ABCA13: variants seen among roughly 807,000 people sequenced by gnomAD.
ABCA13 encodes the protein ATP-binding cassette sub-family A member 13.
In ABCA13, 476 loss-of-function variants were observed where a neutral mutation model predicts 478.7. That is an observed-to-expected ratio of 0.99 (90% CI 0.92 to 1.07). The LOEUF (loss-of-function observed/expected upper bound fraction) is 1.07. Ranked by LOEUF, ABCA13 falls within the 50% of genes least tolerant of loss-of-function variation. The pLI, the probability that ABCA13 is intolerant of heterozygous loss-of-function variation, is 0.00. For synonymous variants in ABCA13, 2,252 were observed against 2,158.9 expected (o/e 1.04, Z -1.20); for missense variants, 6,060 against 5,910.6 (o/e 1.03, Z -0.83).
chr7:48,352,210 A>G lies in ABCA13; in HGVS notation c.10411A>G (p.Lys3471Glu). 1 of 1,606,534 alleles carries G rather than the reference A, an allele frequency of 6.2e-7. No homozygotes were observed. Among genetic ancestry groups the G allele is most frequent in the Non-Finnish European group, 8.5e-7 (1 of 1,175,322 alleles). The change falls in exon 31 of 62, where the codon AAG becomes GAG. Residue 3471 changes from lysine to glutamate, a missense_variant. This residue lies in a region of ABCA13 where 4,423 missense variants were observed against 4,309.1 expected (regional missense o/e 1.03). Coordinates refer to ENST00000435803, the MANE Select transcript of ABCA13 (RefSeq NM_152701.5). ...SIIFSNSLFD[K>E]NFRSESVKLP... The stretch of plus-strand genomic sequence containing the variant: ...CATTTTCAGCAATTCCTTATTCGAC[A>G]AGAACTTCAGATCAGAGTCTGTCAA...
At position 48,633,693 on chromosome 7, in the gene ABCA13, G is replaced by A. The variant is rs141823650; in HGVS notation, c.14838-9595G>A. ...GGAGTTTGAGACCAGCCTGGCCAAC[G>A]TGGTGAAACTCTTTCTCTACTAAAA... is the stretch of plus-strand genomic sequence containing the variant. On this transcript the variant is annotated intron_variant, in intron 59 of 61. Transcript: ENST00000435803. 4.4e-3 allele frequency among the ~76,000 whole-genome samples: 653 copies of A among 150,090 alleles called. 10 individuals carry two copies. The East Asian group carries it at 0.053, about 12-fold the overall frequency.
At chr7:48,604,934 A>C (rs1447584680) in intron 58 of ABCA13, among the ~76,000 whole-genome samples, 1 of 152,214 alleles carries the variant, frequency 6.6e-6, no homozygotes, top group African/African-American at 2.4e-5. Context: ...ATAAATATTT[A>C]GGATAGTTAG....
intron 42 of ABCA13, among the ~76,000 whole-genome samples, chr7:48,444,510 A>G (rs1824029167): frequency 6.6e-6 from 1 of 152,126 alleles, no homozygotes; most frequent in Non-Finnish European, 1.5e-5. Context: ...TTTGGACCCT[A>G]TGACACATCA....
In ABCA13 at chr7:48,388,527, A is replaced by G. The variant is rs181196590; in HGVS notation, c.11474-513A>G. 1.3e-3 allele frequency among the ~76,000 whole-genome samples: 203 copies of G among 152,344 alleles called. 1 individual carries two copies. The highest frequency in any genetic ancestry group is 3.3e-3 in the Admixed American group (50 of 15,302). On this transcript the variant is annotated intron_variant, in intron 36 of 61. Coordinates refer to ENST00000435803, the MANE Select transcript of ABCA13 (RefSeq NM_152701.5). ...GGCACCTCTGCCAAAGGATGAATCC[A>G]TAGGCCATCTCCATGGAAATAGAGA... is the stretch of plus-strand genomic sequence containing the variant.
chr7:48,335,254 C>T (rs552368963), intron 27 of ABCA13, among the ~76,000 whole-genome samples, 168 bp from the exon 28 acceptor site: 1 of 152,284 alleles, frequency 6.6e-6, no homozygotes, highest in South Asian at 2.1e-4. Flanking sequence ...AGAGGACTCA[C>T]CTGTGATGTG....
intron 58 of ABCA13, among the ~76,000 whole-genome samples, chr7:48,606,881 G>A (rs1278123695): frequency 1.3e-5 from 2 of 152,196 alleles, no homozygotes; most frequent in Non-Finnish European, 2.9e-5. Context: ...CCCTGACTGG[G>A]GCTGCTGCCG....
intron 20 of ABCA13, 24 bp from the exon 21 acceptor site, chr7:48,295,676 C>A: frequency 6.2e-7 from 1 of 1,613,398 alleles, no homozygotes; most frequent in South Asian, 1.1e-5. Flanking sequence ...TGCTTCTAAC[C>A]TATATCATTG....
chr7:48,445,702 G>C (rs1417991960), intron 42 of ABCA13, among the ~76,000 whole-genome samples: 1 of 152,046 alleles, frequency 6.6e-6, no homozygotes, highest in Non-Finnish European at 1.5e-5. Flanking sequence ...ACCTGTGGCA[G>C]GTTGTATTTA....
At chr7:48,204,157 C>T (rs1178464079) in intron 3 of ABCA13, among the ~76,000 whole-genome samples, 4 of 149,946 alleles carry the variant, frequency 2.7e-5, no homozygotes, top group Non-Finnish European at 3.0e-5. Flanking sequence ...TTGTTGCCCA[C>T]GCTGGAGTGA....
intron 31 of ABCA13, among the ~76,000 whole-genome samples, chr7:48,354,889 T>A (rs989003313): frequency 2.6e-5 from 4 of 151,980 alleles, no homozygotes; most frequent in African/African-American, 9.7e-5. Flanking sequence ...CTGTAGACAA[T>A]GTTTGTTAAA....
At chr7:48,175,269 A>G (rs889955014) in intron 1 of ABCA13, among the ~76,000 whole-genome samples, 3 of 152,136 alleles carry the variant, frequency 2.0e-5, no homozygotes, top group East Asian at 1.9e-4. Flanking sequence ...ATAATTGCAC[A>G]TATTCATAGG....
At chr7:48,259,087 T>C (rs912584708) in intron 15 of ABCA13, among the ~76,000 whole-genome samples, 1 of 152,118 alleles carries the variant, frequency 6.6e-6, no homozygotes, top group Admixed American at 6.6e-5. Flanking sequence ...TTTTCTGTTA[T>C]TTTGTGGTAG....
chr7:48,564,161 C>T (rs1786778700), intron 55 of ABCA13, among the ~76,000 whole-genome samples: 3 of 152,210 alleles, frequency 2.0e-5, no homozygotes, highest in Admixed American at 2.0e-4. Flanking sequence ...CAACACATCT[C>T]TCAGATCTAA....
At chr7:48,599,686 T>C (rs1257849695) in intron 58 of ABCA13, among the ~76,000 whole-genome samples, 1 of 152,220 alleles carries the variant, frequency 6.6e-6, no homozygotes, top group East Asian at 1.9e-4. Flanking sequence ...AGTATCCAAC[T>C]CCACTGTGTA....
chr7:48,588,659 T>C (rs1490332694), intron 57 of ABCA13, among the ~76,000 whole-genome samples: 1 of 152,230 alleles, frequency 6.6e-6, no homozygotes, highest in East Asian at 1.9e-4. Context: ...CTGATAATAG[T>C]GTCTGTCTCA....
chr7:48,410,517 C>T lies in ABCA13; in HGVS notation c.12071-3C>T, dbSNP rs1352448850. 2 of 1,613,888 alleles carry T rather than the reference C, an allele frequency of 1.2e-6. No homozygotes were observed. Among genetic ancestry groups the T allele is most frequent in the Non-Finnish European group, 1.7e-6 (2 of 1,179,890 alleles). ...TGCTGATGCACCCTGTGCTTGGACCCAGGTCGTACGATCATCTTCACAACC... is the reference window on the plus strand; with the variant it reads ...TGCTGATGCACCCTGTGCTTGGACCTAGGTCGTACGATCATCTTCACAACC... On this transcript the variant is annotated splice_region_variant and splice_polypyrimidine_tract_variant and intron_variant, in intron 39 of 61. Transcript: ENST00000435803.
At position 48,274,639 on chromosome 7, in the gene ABCA13, A is replaced by G; in HGVS notation, c.4973A>G (p.Gln1658Arg). ...HTSPQNAGYMQALKKVTSVMR... is the reference protein window; with the variant it reads ...HTSPQNAGYMRALKKVTSVMR... Reference sequence around the variant, plus strand: ...AGTCCACAAAATGCAGGTTATATGCAAGCTTTGAAGAAGGTAACTTCTGTC... The same window carrying G: ...AGTCCACAAAATGCAGGTTATATGCGAGCTTTGAAGAAGGTAACTTCTGTC... Residue 1658 changes from glutamine to arginine, a missense_variant, in exon 17 of 62, where the codon CAA (glutamine) becomes CGA (arginine). Transcript: ENST00000435803. 1 of 1,614,012 alleles carries G rather than the reference A, an allele frequency of 6.2e-7. No homozygotes were observed. The highest frequency in any genetic ancestry group is 1.1e-5 in the South Asian group (1 of 91,086).
intron 2 of ABCA13, among the ~76,000 whole-genome samples, chr7:48,194,888 C>G: frequency 6.6e-6 from 1 of 151,994 alleles, no homozygotes; most frequent in East Asian, 1.9e-4. Context: ...GTATTGAGTG[C>G]CTTTTGTGTT....
At position 48,455,158 on chromosome 7, in the gene ABCA13, C is replaced by A; in HGVS notation, c.12687C>A (p.Asp4229Glu). 6.3e-7 allele frequency: 1 copy of A among 1,583,050 alleles called. No individual in the cohort carries two copies. Among genetic ancestry groups the A allele is most frequent in the Non-Finnish European group, 8.6e-7 (1 of 1,164,964 alleles). Residue 4229 changes from aspartate (D) to glutamate (E), a missense_variant, in exon 43 of 62, where the codon GAC becomes GAA. By Grantham distance (45) the Asp-to-Glu change is conservative (BLOSUM62 2). Coordinates refer to ENST00000435803, the MANE Select transcript of ABCA13 (RefSeq NM_152701.5). ...GCGCCGGGAAGAGCACCCTCGCCGA[C>A]CTGCTGCTGCCAGTCCTCTTCGTGG... ...TLRAGKSTLA[D>E]LLLPVLFVAL...
Sources: allele counts gnomAD v4.1 joint callset (sites outside exome capture counted in the v4.1 genomes callset), GRCh38; gene constraint gnomAD v4.1.1; regional missense constraint gnomAD v4.1.1; transcripts MANE v1.5; gene names NCBI Gene and HGNC (gene_info 2026-07-23, HGNC 2026-07-21).